FIBCD1: variants seen among roughly 807,000 people sequenced by gnomAD.
FIBCD1 encodes the protein fibrinogen C domain-containing protein 1.
A neutral mutation model predicts 45.1 loss-of-function variants in FIBCD1; 47 were observed. That is an observed-to-expected ratio of 1.04 (90% confidence interval 0.82 to 1.33). The LOEUF is 1.33. FIBCD1 is among the 40% of genes most tolerant of loss of function. The pLI is 0.00. For missense variants in FIBCD1, 653 were observed against 682.2 expected (o/e 0.96, Z 0.48); for synonymous variants, 313 against 308.1 (o/e 1.02, Z -0.17).
At chr9:130,940,565 C>T (rs1045851739), upstream of FIBCD1, among the ~76,000 whole-genome samples, 5 of 152,240 alleles carry the variant, frequency 3.3e-5, no homozygotes, top group African/African-American at 9.6e-5. Flanking sequence ...GGCACAGGGC[C>T]CTGGCTGTGT....
At chr9:130,920,898 C>G (rs1332539989) in intron 4 of FIBCD1, among the ~76,000 whole-genome samples, 2 of 152,322 alleles carry the variant, frequency 1.3e-5, no homozygotes, top group East Asian at 3.9e-4. Flanking sequence ...CGCTGCTGAC[C>G]TCCCTGACCC....
chr9:130,928,426 C>G (rs955361529), intron 2 of FIBCD1, among the ~76,000 whole-genome samples: 4 of 152,180 alleles, frequency 2.6e-5, no homozygotes, highest in African/African-American at 9.7e-5. Flanking sequence ...ACCCCCAGCC[C>G]CCAGCCCTGC....
chr9:130,911,094 C>CA (rs1832029710), intron 5 of FIBCD1, among the ~76,000 whole-genome samples: 1 of 152,192 alleles, frequency 6.6e-6, no homozygotes, highest in South Asian at 2.1e-4. Flanking sequence ...CAGGTTCCCT[C>CA]CTGCGCTGTG....
chr9:130,912,504 C>T (rs1018543324), intron 4 of FIBCD1, among the ~76,000 whole-genome samples: 9 of 151,190 alleles, frequency 6.0e-5, no homozygotes, highest in Admixed American at 2.0e-4. Context: ...GTCAGGAGTT[C>T]GAGACCAGCC....
At chr9:130,913,593 C>T (rs1219126138) in intron 4 of FIBCD1, among the ~76,000 whole-genome samples, 1 of 152,196 alleles carries the variant, frequency 6.6e-6, no homozygotes, top group Non-Finnish European at 1.5e-5. Context: ...TGGCCCAGCT[C>T]TGAAATCTGA....
In FIBCD1 at chr9:130,916,155, A is replaced by T. The variant is rs528474336; in HGVS notation, c.850-4267T>A. ...GATCTTGGCCAGGATGGTCTTGAAC[A>T]CCTGACCTTGTGATCCACCCACCTT... On this transcript the variant is annotated intron_variant, in intron 4 of 6. Coordinates refer to ENST00000372338, the MANE Select transcript of FIBCD1 (RefSeq NM_032843.5). Among the ~76,000 whole-genome samples, 3 of 152,244 alleles carry T rather than the reference A, an allele frequency of 2.0e-5. No individual in the cohort carries two copies. The East Asian group carries it at 5.8e-4, about 29-fold the overall frequency.
In FIBCD1 at chr9:130,904,106, C is replaced by T. The variant is rs773897895; in HGVS notation, c.1344G>A (p.Lys448=). The change falls in exon 7 of 7, where the codon AAG becomes AAA. Residue 448 remains lysine (K), a synonymous_variant. Coordinates refer to ENST00000372338, the MANE Select transcript of FIBCD1 (RefSeq NM_032843.5). ...CCGGCCGGATCTTCATCTCAGAGAACTTGAGTGAGTACTGCCAGCCGGTCC... is the reference window on the plus strand; with the variant it reads ...CCGGCCGGATCTTCATCTCAGAGAATTTGAGTGAGTACTGCCAGCCGGTCC... ...SSWTGWQYSL[K]FSEMKIRPVR... 6.8e-6 allele frequency: 11 copies of T among 1,613,076 alleles called. No homozygotes were observed. The highest frequency in any genetic ancestry group is 1.3e-5 in the African/African-American group (1 of 74,932).
intron 1 of FIBCD1, chr9:130,937,940 C>A (rs1318145524): frequency 6.6e-6 from 1 of 152,412 alleles, no homozygotes; most frequent in Non-Finnish European, 1.5e-5. Flanking sequence ...AGCTGCGTGG[C>A]CTCAGGCAGG....
rs1163933507 is a variant in FIBCD1 at position 130,922,966 on chromosome 9, T to G, written c.849+778A>C. 6.6e-6 allele frequency among the ~76,000 whole-genome samples: 1 copy of G among 152,176 alleles called. No homozygotes were observed. Among genetic ancestry groups the G allele is most frequent in the Admixed American group, 6.5e-5 (1 of 15,278 alleles). On this transcript the variant is annotated intron_variant, in intron 4 of 6. Transcript: ENST00000372338. This position sits in a 1 kb window ranked among gnomAD's most constrained non-coding sequence, Gnocchi z 4.5. Reference sequence around the variant, plus strand: ...AGCTTTACCCTCCCCTCTGCTACAGTGACTTCTTCCGCCCCCAATGCCCCC... The same window carrying G: ...AGCTTTACCCTCCCCTCTGCTACAGGGACTTCTTCCGCCCCCAATGCCCCC...
intron 5 of FIBCD1, among the ~76,000 whole-genome samples, chr9:130,905,900 T>C (rs894684476): frequency 9.9e-5 from 15 of 152,200 alleles, no homozygotes; most frequent in African/African-American, 2.9e-4. Flanking sequence ...CTGTCGGCGT[T>C]GAGGACCTCC....
intron 5 of FIBCD1, among the ~76,000 whole-genome samples, chr9:130,910,028 G>A (rs1832007992): frequency 6.6e-6 from 1 of 152,232 alleles, no homozygotes; most frequent in African/African-American, 2.4e-5. Flanking sequence ...CGGCACTTGA[G>A]GAGCCCTTCA....
Position 130,903,458 on chromosome 9 carries a change from A to C in FIBCD1, c.*606T>G. On this transcript the variant is annotated 3_prime_UTR_variant, in exon 7 of 7. Coordinates refer to ENST00000372338, the MANE Select transcript of FIBCD1 (RefSeq NM_032843.5). ...CCTTGGAGCGTGGGTCCCCAAAGGCAGCAGCTCCCCATCCTGACCTCAGGG... is the reference window on the plus strand; with the variant it reads ...CCTTGGAGCGTGGGTCCCCAAAGGCCGCAGCTCCCCATCCTGACCTCAGGG... The C allele has an allele frequency of 5.9e-6, 1 of 169,422 alleles. No individual in the cohort carries two copies. Among genetic ancestry groups the C allele is most frequent in the East Asian group, 1.6e-4 (1 of 6,206 alleles). 10.5% of individuals were successfully genotyped at this position (169,422 alleles called of 1,614,324 possible).
intron 4 of FIBCD1, among the ~76,000 whole-genome samples, chr9:130,916,593 G>A (rs570687705): frequency 6.6e-6 from 1 of 152,394 alleles, no homozygotes; most frequent in Non-Finnish European, 1.5e-5. Flanking sequence ...ATAAACTGCA[G>A]CTGTGGCTTT....
At chr9:130,911,948 C>T in intron 4 of FIBCD1, 60 bp from the exon 5 acceptor site, 2 of 1,461,324 alleles carry the variant, frequency 1.4e-6, no homozygotes, top group Non-Finnish European at 9.4e-7. Context: ...TCGCAGCCCA[C>T]CTGGGCCCAC....
At position 130,938,538 on chromosome 9, in the gene FIBCD1, G is replaced by C; in HGVS notation, c.70C>G (p.Gln24Glu). Residue 24 changes from glutamine to glutamate, a missense_variant and splice_region_variant, in exon 1 of 7, where the codon CAG (glutamine) becomes GAG (glutamate). Transcript: ENST00000372338. ...CGTGTCCCAGCGCCCGAGCGTACCT[G>C]CGGCTTGTCGCGCGGCCGGTCCTCA... ...QLEDRPRDKPQRPSCGYVLCT... is the reference protein window; with the variant it reads ...QLEDRPRDKPERPSCGYVLCT... 6.7e-7 allele frequency: 1 copy of C among 1,489,740 alleles called. No individual in the cohort carries two copies. Among genetic ancestry groups the C allele is most frequent in the East Asian group, 2.9e-5 (1 of 34,836 alleles). The allele number at this position is 1,489,740 out of a possible 1,614,324, so 92.3% of individuals were successfully genotyped here. A position where few individuals can be genotyped will look rare whatever the true frequency, so the allele number is the denominator to read the frequency against.
At chr9:130,935,534 A>G (rs1371440320) in intron 1 of FIBCD1, among the ~76,000 whole-genome samples, 1 of 152,234 alleles carries the variant, frequency 6.6e-6, no homozygotes, top group Admixed American at 6.5e-5. Flanking sequence ...TAGGGCTGGG[A>G]CAGATGGGGC....
intron 4 of FIBCD1, among the ~76,000 whole-genome samples, chr9:130,920,325 A>G (rs1172815226): frequency 6.6e-6 from 1 of 152,058 alleles, no homozygotes; most frequent in Admixed American, 6.5e-5. Context: ...GGGAACCCCC[A>G]GGGCTCAGCA....
chr9:130,926,969 G>A lies in FIBCD1; in HGVS notation c.553-2573C>T, dbSNP rs537327519. Among the ~76,000 whole-genome samples, 2 of 152,088 alleles carry A rather than the reference G, an allele frequency of 1.3e-5. No individual in the cohort carries two copies. The highest frequency in any genetic ancestry group is 2.9e-5 in the Non-Finnish European group (2 of 68,020). The stretch of plus-strand genomic sequence containing the variant: ...CACTCCTACCAGAAAAGGGATTTTC[G>A]GCCCAACACAGTAATCTTAGCACGT... On this transcript the variant is annotated intron_variant, in intron 2 of 6. Transcript: ENST00000372338. The surrounding 1 kb of genome is among the most constrained non-coding windows in gnomAD (Gnocchi z 4.1).
chr9:130,923,961 G>A (rs1832310210), intron 3 of FIBCD1, 81 bp from the exon 4 acceptor site: 2 of 1,593,644 alleles, frequency 1.3e-6, no homozygotes, highest in Non-Finnish European at 1.7e-6. Flanking sequence ...TCTGTCCATC[G>A]ATAATGCATG....
Sources: allele counts gnomAD v4.1 joint callset (sites outside exome capture counted in the v4.1 genomes callset), GRCh38; gene constraint gnomAD v4.1.1; non-coding constraint Gnocchi (gnomAD v3.1); transcripts MANE v1.5; gene names NCBI Gene and HGNC (gene_info 2026-07-23, HGNC 2026-07-21).